CSF2RB: variants seen among roughly 807,000 people sequenced by gnomAD.
The protein encoded by CSF2RB is colony stimulating factor 2 receptor subunit beta, also known as cytokine receptor common subunit beta.
In CSF2RB, 22 loss-of-function variants were observed where a neutral mutation model predicts 67.2. That is an observed-to-expected ratio of 0.33 (90% CI 0.23 to 0.47). The LOEUF is 0.47. Among genes scored for constraint, CSF2RB ranks in the 20% least tolerant of loss-of-function variants. The probability of loss-of-function intolerance (pLI) is 1.00; values close to 1 mark genes in which losing one functional copy is unlikely to be tolerated. For missense variants in CSF2RB, 1,113 were observed against 1,174.5 expected (o/e 0.95, Z 0.76); for synonymous variants, 507 against 482.9 (o/e 1.05, Z -0.65).
chr22:36,927,717 A>G lies in CSF2RB; in HGVS notation c.391+1540A>G, dbSNP rs536099379. Among the ~76,000 whole-genome samples the G allele has an allele frequency of 2.3e-3, 355 of 152,328 alleles. 2 individuals are homozygous for G. The highest frequency in any genetic ancestry group is 8.3e-3 in the African/African-American group (346 of 41,580). ...AGCACTGAGGGGAAATGACATGATC[A>G]GATGTGGATGTGAGAATGCTGGGGA... On this transcript the variant is annotated intron_variant, in intron 4 of 13. Coordinates refer to ENST00000403662, the MANE Select transcript of CSF2RB (RefSeq NM_000395.3).
rs180758143 is a variant in CSF2RB, at chr22:36,939,846, T to G, written c.*1344T>G. 1 of 152,414 alleles carries G rather than the reference T, an allele frequency of 6.6e-6. No individual in the cohort carries two copies. The highest frequency in any genetic ancestry group is 1.9e-4 in the East Asian group (1 of 5,190). 9.4% of individuals were successfully genotyped at this position (152,414 alleles called of 1,614,324 possible). On this transcript the variant is annotated 3_prime_UTR_variant, in exon 14 of 14. Transcript: ENST00000403662. ...AATGTCAAACAGATCCCTAGTAAAC[T>G]CCTTCTTCACTTTTACTGTCAGATT...
rs759598939 is a variant in CSF2RB at position 36,936,551 on chromosome 22, C to T, written c.1467C>T (p.Asn489=). The change falls in exon 13 of 14, where the codon AAC becomes AAT. Residue 489 remains asparagine (N), a splice_region_variant and synonymous_variant. Coordinates refer to ENST00000403662, the MANE Select transcript of CSF2RB (RefSeq NM_000395.3). ...PNPSKSHLFQ[N]GSAELWPPGS... is the part of the protein sequence containing the mutation. ...CCCAAATGTCTCTGCTCTTGCAGAA[C>T]GGGAGCGCAGAGCTTTGGCCCCCAG... 39 of 1,612,498 alleles carry T rather than the reference C, an allele frequency of 2.4e-5. No individual in the cohort carries two copies. Among genetic ancestry groups the T allele is most frequent in the South Asian group, 1.3e-4 (12 of 91,014 alleles).
chr22:36,930,951 T>C, intron 8 of CSF2RB, 121 bp downstream of exon 8: 1 of 1,232,844 alleles, frequency 8.1e-7, no homozygotes, highest in Non-Finnish European at 1.2e-6. Flanking sequence ...TTCAAAGAGA[T>C]GCAGTCCAGT....
intron 13 of CSF2RB, 35 bp downstream of exon 13, chr22:36,936,687 G>T (rs771345228): frequency 1.3e-6 from 2 of 1,556,174 alleles, no homozygotes; most frequent in Non-Finnish European, 8.8e-7. Flanking sequence ...TGACCTTTGG[G>T]GTTCATACGG....
intron 1 of CSF2RB, among the ~76,000 whole-genome samples, chr22:36,917,459 G>A (rs1021984312): frequency 1.3e-5 from 2 of 152,110 alleles, no homozygotes; most frequent in African/African-American, 4.8e-5. Flanking sequence ...AATGTAATAT[G>A]TGCATGTTTA....
At chr22:36,922,500 C>A in intron 2 of CSF2RB, 1 of 601,986 alleles carries the variant, frequency 1.7e-6, no homozygotes, top group South Asian at 1.9e-5. Flanking sequence ...GCGTGTCTGG[C>A]TTCCTTGCCC....
intron 3 of CSF2RB, 68 bp from the exon 4 acceptor site, chr22:36,925,919 C>T: frequency 6.4e-7 from 1 of 1,550,552 alleles, no homozygotes; most frequent in South Asian, 1.1e-5. Flanking sequence ...GTGGTGAGCA[C>T]TCGAGGAACC....
At chr22:36,917,044 G>A (rs1482644174) in intron 1 of CSF2RB, among the ~76,000 whole-genome samples, 1 of 152,130 alleles carries the variant, frequency 6.6e-6, no homozygotes, top group Non-Finnish European at 1.5e-5. Flanking sequence ...CTCTGTCATC[G>A]CCTTTGGTTT....
chr22:36,921,640 G>C (rs1276916512), intron 1 of CSF2RB, among the ~76,000 whole-genome samples: 2 of 152,150 alleles, frequency 1.3e-5, no homozygotes, highest in Non-Finnish European at 2.9e-5. Context: ...AGCAGAGGGT[G>C]GGGGGATGAC....
intron 3 of CSF2RB, 77 bp from the exon 4 acceptor site, chr22:36,925,910 T>A (rs775019775): frequency 1.6e-5 from 23 of 1,476,050 alleles, no homozygotes; most frequent in Middle Eastern, 3.4e-4. Context: ...GCCAGGCATG[T>A]GGTGAGCACT....
rs1941287637 is a variant in CSF2RB at position 36,937,318 on chromosome 22, C to T, written c.1569-59C>T. ...CTCCACCCCACCAAGACCCTTGTGCCTGACCCGGATCATCTGCCCAGGGTG... is the reference window on the plus strand; with the variant it reads ...CTCCACCCCACCAAGACCCTTGTGCTTGACCCGGATCATCTGCCCAGGGTG... On this transcript the variant is annotated intron_variant, in intron 13 of 13. Transcript: ENST00000403662. This position sits in a 1 kb window ranked among gnomAD's most constrained non-coding sequence, Gnocchi z 4.6. The T allele has an allele frequency of 4.4e-6, 7 of 1,595,666 alleles. No homozygotes were observed. Among genetic ancestry groups the T allele is most frequent in the Non-Finnish European group, 6.0e-6 (7 of 1,171,868 alleles).
intron 3 of CSF2RB, chr22:36,923,679 C>T (rs1006872836): frequency 7.4e-7 from 1 of 1,359,992 alleles, no homozygotes; most frequent in Non-Finnish European, 9.7e-7. Context: ...CATGACCTAT[C>T]TTAGTTCCTC....
Position 36,929,761 on chromosome 22 carries a change from A to G in CSF2RB, c.672A>G (p.Gly224=). The G allele has an allele frequency of 3.1e-6, 5 of 1,614,080 alleles. No homozygotes were observed. Among genetic ancestry groups the G allele is most frequent in the Non-Finnish European group, 4.2e-6 (5 of 1,179,996 alleles). The stretch of plus-strand genomic sequence containing the variant: ...TGGCCCCAGGTTCTCGGCTCTCAGG[A>G]CGTCCCAGCAAGTGGAGCCCAGAGG... ...TRLAPGSRLS[G]RPSKWSPEVC... Residue 224 remains glycine, a synonymous_variant, in exon 6 of 14, where the codon GGA becomes GGG. Transcript: ENST00000403662.
At chr22:36,929,194 C>T (rs922349755) in intron 4 of CSF2RB, among the ~76,000 whole-genome samples, 13 of 152,210 alleles carry the variant, frequency 8.5e-5, no homozygotes, top group African/African-American at 1.9e-4. Flanking sequence ...GCAATCTGCA[C>T]GGCTTTCCAT....
chr22:36,931,641 T>G (rs2145810528), intron 8 of CSF2RB, among the ~76,000 whole-genome samples: 1 of 152,370 alleles, frequency 6.6e-6, no homozygotes, highest in East Asian at 1.9e-4. Context: ...GTGGCTTACT[T>G]AAAGCTGCAC....
At position 36,933,933 on chromosome 22, in the gene CSF2RB, C is replaced by T. The variant is rs749679408; in HGVS notation, c.1254C>T (p.Arg418=). Residue 418 remains arginine, a synonymous_variant, in exon 10 of 14, where the codon CGC becomes CGT. Coordinates refer to ENST00000403662, the MANE Select transcript of CSF2RB (RefSeq NM_000395.3). ...CCAGGGTGAGGGTCAGGACCTCCCG[C>T]ACCGGCTACAACGGGATCTGGAGCG... ...YWARVRVRTS[R]TGYNGIWSEW... is the part of the protein sequence containing the mutation. The T allele has an allele frequency of 6.8e-6, 11 of 1,612,570 alleles. No individual in the cohort carries two copies. In the South Asian group the frequency reaches 9.9e-5, roughly 14 times the overall value.
chr22:36,929,963 G>A (rs555349391), intron 6 of CSF2RB, among the ~76,000 whole-genome samples, 156 bp downstream of exon 6: 39 of 152,326 alleles, frequency 2.6e-4, no homozygotes, highest in African/African-American at 8.9e-4. Flanking sequence ...CACCTCTACT[G>A]TGACCACTGA....
At chr22:36,934,050 CT>C in intron 10 of CSF2RB, 56 bp downstream of exon 10, 1 of 1,600,556 alleles carries the variant, frequency 6.2e-7, no homozygotes, top group Non-Finnish European at 8.5e-7. Flanking sequence ...TAGTTTCTCA[CT>C]GCCAGAAAAT....
intron 3 of CSF2RB, chr22:36,923,656 C>T: frequency 7.2e-7 from 1 of 1,383,396 alleles, no homozygotes; most frequent in Non-Finnish European, 9.6e-7. Context: ...CACAATTTAA[C>T]ACAATTGCCC....
Sources: gnomAD v4.1 joint callset for allele counts (sites outside exome capture counted in the v4.1 genomes callset) on GRCh38, gnomAD v4.1.1 for gene constraint, Gnocchi (gnomAD v3.1) non-coding constraint, MANE v1.5 for transcripts, NCBI Gene and HGNC (gene_info 2026-07-23, HGNC 2026-07-21) for gene names.